Variants in LAPTM4A observed in about 807,000 individuals in gnomAD.
The protein encoded by LAPTM4A is lysosomal-associated transmembrane protein 4A.
Under a neutral mutation model 29.9 loss-of-function variants are expected in LAPTM4A, and 19 were observed. The ratio of observed to expected loss-of-function variants is 0.64; its 90% CI spans 0.44 to 0.93. The LOEUF (loss-of-function observed/expected upper bound fraction) is 0.93, where lower values mean the gene tolerates loss of function less well. Among genes scored for constraint, LAPTM4A ranks in the 40% least tolerant of loss-of-function variants. The pLI, the probability that LAPTM4A is intolerant of heterozygous loss-of-function variation, is 0.00. For synonymous variants in LAPTM4A, 105 were observed against 102.1 expected (o/e 1.03, Z -0.17); for missense variants, 293 against 288.5 (o/e 1.02, Z -0.11).
intron 4 of LAPTM4A, chr2:20,035,269 A>G (rs1673656503): frequency 3.9e-6 from 2 of 516,418 alleles, no homozygotes; most frequent in Non-Finnish European, 7.0e-6. Context: ...AGTACATTTG[A>G]TAACCCACAA....
chr2:20,048,429 G>A (rs1353212812), intron 1 of LAPTM4A, among the ~76,000 whole-genome samples: 2 of 152,102 alleles, frequency 1.3e-5, no homozygotes, highest in Non-Finnish European at 2.9e-5. Context: ...TGGTACCTCC[G>A]GTGCATATAA....
At chr2:20,039,840 G>A (rs971055756) in intron 2 of LAPTM4A, among the ~76,000 whole-genome samples, 1 of 152,166 alleles carries the variant, frequency 6.6e-6, no homozygotes, top group African/African-American at 2.4e-5. Flanking sequence ...GATCACCTAA[G>A]GTCGGGAGTT....
intron 1 of LAPTM4A, among the ~76,000 whole-genome samples, chr2:20,047,303 G>A (rs940828723): frequency 2.6e-5 from 4 of 151,114 alleles, no homozygotes; most frequent in African/African-American, 9.8e-5. Context: ...CAGAGGAATC[G>A]CTTGAACCTG....
intron 1 of LAPTM4A, among the ~76,000 whole-genome samples, chr2:20,049,187 G>A (rs1347433214): frequency 3.3e-5 from 5 of 152,166 alleles, no homozygotes; most frequent in Admixed American, 1.3e-4. Context: ...CACTTAGCAG[G>A]TAATAGGAAA....
At chr2:20,037,146 A>C in intron 4 of LAPTM4A, 170 bp downstream of exon 4, 1 of 534,730 alleles carries the variant, frequency 1.9e-6, no homozygotes. Flanking sequence ...CTCTACTTTC[A>C]TCTTGCCAGT....
Position 20,037,630 on chromosome 2 carries a change from C to T in LAPTM4A, c.233-16G>A. The T allele has an allele frequency of 6.5e-7, 1 of 1,546,930 alleles. No homozygotes were observed. On this transcript the variant is annotated splice_polypyrimidine_tract_variant and intron_variant, in intron 2 of 6. Transcript: ENST00000175091. ...CAGGCATTATCTAAGAAAACAAAAA[C>T]AAAAATCTAATTAAGCTACTTACAC...
chr2:20,047,030 T>G (rs908048002), intron 1 of LAPTM4A, among the ~76,000 whole-genome samples: 3 of 151,748 alleles, frequency 2.0e-5, no homozygotes, highest in Admixed American at 1.3e-4. Context: ...AATAAGTACA[T>G]ACAAGAAGGA....
At chr2:20,035,748 C>T (rs1440037123) in intron 4 of LAPTM4A, among the ~76,000 whole-genome samples, 1 of 152,052 alleles carries the variant, frequency 6.6e-6, no homozygotes, top group Non-Finnish European at 1.5e-5. Context: ...GTCTGAGGCA[C>T]TAAGTGAACA....
chr2:20,035,987 C>A (rs1167359172), intron 4 of LAPTM4A, among the ~76,000 whole-genome samples: 4 of 152,104 alleles, frequency 2.6e-5, no homozygotes, highest in African/African-American at 9.7e-5. Context: ...AAACCCCAGC[C>A]AGGTTGTCTC....
At chr2:20,034,042 C>A (rs1673630540) in intron 6 of LAPTM4A, among the ~76,000 whole-genome samples, 1 of 152,192 alleles carries the variant, frequency 6.6e-6, no homozygotes, top group Non-Finnish European at 1.5e-5. Context: ...CCTAACACAG[C>A]TGTTTCCTGT....
At chr2:20,035,680 G>A (rs772960137) in intron 4 of LAPTM4A, among the ~76,000 whole-genome samples, 25 of 152,168 alleles carry the variant, frequency 1.6e-4, no homozygotes, top group Non-Finnish European at 3.1e-4. Flanking sequence ...AGGGAGAAAG[G>A]TGTTATAAAA....
intron 2 of LAPTM4A, among the ~76,000 whole-genome samples, chr2:20,038,827 A>T (rs1673735127): frequency 6.6e-6 from 1 of 152,230 alleles, no homozygotes; most frequent in African/African-American, 2.4e-5. Context: ...AAGATGTTTT[A>T]AAAATGAAAA....
At chr2:20,051,281 G>A in intron 1 of LAPTM4A, 129 bp downstream of exon 1, 1 of 692,178 alleles carries the variant, frequency 1.4e-6, no homozygotes, top group Admixed American at 2.2e-5. Context: ...CAGAGTTGGC[G>A]CGCCTTAAAA....
At chr2:20,038,587 A>C (rs1572397300) in intron 2 of LAPTM4A, among the ~76,000 whole-genome samples, 1 of 151,988 alleles carries the variant, frequency 6.6e-6, no homozygotes, top group African/African-American at 2.4e-5. Context: ...CACCACATCC[A>C]GCTAATTTCT....
intron 2 of LAPTM4A, among the ~76,000 whole-genome samples, chr2:20,038,705 C>T (rs911811609): frequency 4.6e-5 from 7 of 152,000 alleles, no homozygotes; most frequent in Non-Finnish European, 8.8e-5. Context: ...GGGATGGGCA[C>T]GGCAACCCAC....
intron 1 of LAPTM4A, among the ~76,000 whole-genome samples, chr2:20,042,037 T>G (rs567903142): frequency 5.0e-4 from 76 of 152,368 alleles, no homozygotes; most frequent in Middle Eastern, 3.4e-3. Flanking sequence ...TATATTAAAA[T>G]GAGGTAAAGT....
At chr2:20,048,660 G>A (rs965118292) in intron 1 of LAPTM4A, among the ~76,000 whole-genome samples, 6 of 152,156 alleles carry the variant, frequency 3.9e-5, no homozygotes, top group Non-Finnish European at 8.8e-5. Flanking sequence ...TCTGTCCCAC[G>A]TAATGTAAAA....
At chr2:20,040,809 T>C in intron 2 of LAPTM4A, 82 bp downstream of exon 2, 2 of 1,251,962 alleles carry the variant, frequency 1.6e-6, no homozygotes, top group South Asian at 1.3e-5. Context: ...TTTCTCAGAA[T>C]GTGTCCCCAT....
chr2:20,050,626 G>A (rs3769763), intron 1 of LAPTM4A, among the ~76,000 whole-genome samples: 1 of 152,064 alleles, frequency 6.6e-6, no homozygotes, highest in African/African-American at 2.4e-5. Flanking sequence ...CTTATTACTA[G>A]TGAATCACCA....
Sources: gnomAD v4.1 joint callset for allele counts (sites outside exome capture counted in the v4.1 genomes callset) on GRCh38, gnomAD v4.1.1 for gene constraint, MANE v1.5 for transcripts, NCBI Gene and HGNC (gene_info 2026-07-23, HGNC 2026-07-21) for gene names.